Variants in CSMD1 observed in about 807,000 individuals in gnomAD.
CSMD1 encodes the protein CUB and Sushi multiple domains 1, also known as CUB and sushi domain-containing protein 1.
Under a neutral mutation model 417.5 loss-of-function variants are expected in CSMD1, and 213 were observed. That is an observed-to-expected ratio of 0.51 (90% CI 0.46 to 0.57). The LOEUF (loss-of-function observed/expected upper bound fraction) is 0.57. Ranked by LOEUF, CSMD1 falls within the 20% of genes least tolerant of loss-of-function variation. The pLI is 0.00. For missense variants in CSMD1, 6,923 were observed against 4,529.7 expected (o/e 1.53, Z -15.17); for synonymous variants, 2,862 against 1,736.8 (o/e 1.65, Z -16.11).
chr8:4,272,051 A>T (rs746462302), intron 3 of CSMD1, among the ~76,000 whole-genome samples: 11 of 152,154 alleles, frequency 7.2e-5, no homozygotes, highest in Non-Finnish European at 1.5e-4. Flanking sequence ...GCATGTAAGT[A>T]GACCTGTGTA....
intron 7 of CSMD1, among the ~76,000 whole-genome samples, chr8:3,659,634 G>T (rs1215248216): frequency 6.6e-6 from 1 of 152,136 alleles, no homozygotes; most frequent in African/African-American, 2.4e-5. Flanking sequence ...AAGGGTAGTG[G>T]TGATGTGGCA....
chr8:3,097,461 C>T (rs1314923985), intron 46 of CSMD1, among the ~76,000 whole-genome samples: 1 of 65,150 alleles, frequency 1.5e-5, no homozygotes, highest in Admixed American at 1.6e-4. Context: ...TACAGTAGGC[C>T]CCCTTACCCC....
chr8:3,081,840 G>A (rs543066127), intron 49 of CSMD1, among the ~76,000 whole-genome samples: 8 of 152,260 alleles, frequency 5.3e-5, no homozygotes, highest in African/African-American at 1.7e-4. Context: ...AAAATCCACT[G>A]CCTCATTACT....
chr8:4,036,964 T>A (rs1232226965), intron 3 of CSMD1, among the ~76,000 whole-genome samples: 3 of 63,758 alleles, frequency 4.7e-5, no homozygotes, highest in Non-Finnish European at 9.5e-5. Flanking sequence ...GGGGTGTGTG[T>A]GTGTGTGTGT....
At chr8:4,312,410 T>TATATATATACGCGTATATATATAC (rs1563435181) in intron 3 of CSMD1, among the ~76,000 whole-genome samples, 2 of 124,626 alleles carry the variant, frequency 1.6e-5, no homozygotes, top group African/African-American at 1.0e-4. Flanking sequence ...TATATATGCG[T>TATATATATACGCGTATATATATAC]GTATATATAT....
At chr8:3,985,839 T>C (rs376447676) in intron 5 of CSMD1, among the ~76,000 whole-genome samples, 6 of 151,872 alleles carry the variant, frequency 4.0e-5, no homozygotes, top group Middle Eastern at 3.2e-3. Flanking sequence ...ATGCTGAGAC[T>C]GTACCCTAGG....
chr8:4,026,878 C>A (rs1052494421), intron 4 of CSMD1, among the ~76,000 whole-genome samples: 2 of 152,158 alleles, frequency 1.3e-5, no homozygotes, highest in East Asian at 1.9e-4. Context: ...TGGAATTTGG[C>A]AAGGTGTAGT....
At chr8:4,860,383 C>T (rs937913202) in intron 1 of CSMD1, among the ~76,000 whole-genome samples, 2 of 150,974 alleles carry the variant, frequency 1.3e-5, no homozygotes, top group African/African-American at 4.9e-5. Flanking sequence ...GCACAATGGG[C>T]ACATGTACCC....
intron 5 of CSMD1, among the ~76,000 whole-genome samples, chr8:3,953,237 T>C (rs1020497669): frequency 6.6e-6 from 1 of 152,100 alleles, no homozygotes; most frequent in Non-Finnish European, 1.5e-5. Context: ...AATATATAAC[T>C]GATATAGGAG....
At chr8:4,714,371 TG>T (rs1808510676) in intron 1 of CSMD1, among the ~76,000 whole-genome samples, 1 of 152,076 alleles carries the variant, frequency 6.6e-6, no homozygotes, top group Non-Finnish European at 1.5e-5. Context: ...TAAATTAATA[TG>T]TGTAAGAAAT....
intron 23 of CSMD1, among the ~76,000 whole-genome samples, chr8:3,331,313 T>A (rs1806881436): frequency 1.3e-5 from 2 of 152,236 alleles, no homozygotes; most frequent in South Asian, 4.1e-4. Flanking sequence ...AACGTTGATA[T>A]CTGTGGTAAA....
At chr8:3,029,874 T>C (rs995830435) in intron 50 of CSMD1, among the ~76,000 whole-genome samples, 3 of 152,030 alleles carry the variant, frequency 2.0e-5, no homozygotes, top group East Asian at 1.9e-4. Flanking sequence ...CTCAATATCC[T>C]TGGAGGAACT....
intron 51 of CSMD1, among the ~76,000 whole-genome samples, chr8:3,019,789 C>G (rs1809203938): frequency 6.6e-6 from 1 of 152,234 alleles, no homozygotes; most frequent in Admixed American, 6.5e-5. Flanking sequence ...GAAATCTCTG[C>G]TCTTCAGATT....
intron 2 of CSMD1, among the ~76,000 whole-genome samples, chr8:4,498,881 A>G (rs1243548861): frequency 6.6e-6 from 1 of 152,216 alleles, no homozygotes; most frequent in African/African-American, 2.4e-5. Context: ...AAGTCAAAAT[A>G]ATAGCAATGA....
At chr8:3,410,845 C>A (rs1437325354) in intron 12 of CSMD1, among the ~76,000 whole-genome samples, 1 of 151,850 alleles carries the variant, frequency 6.6e-6, no homozygotes, top group Non-Finnish European at 1.5e-5. Context: ...CTCGAGTGAT[C>A]CTCCCACCTG....
At chr8:3,681,969 G>A (rs1678331855) in intron 7 of CSMD1, among the ~76,000 whole-genome samples, 1 of 152,124 alleles carries the variant, frequency 6.6e-6, no homozygotes, top group Non-Finnish European at 1.5e-5. Flanking sequence ...AAATGGTGCT[G>A]GGAAAACTGG....
intron 10 of CSMD1, among the ~76,000 whole-genome samples, chr8:3,508,136 A>T (rs1442591447): frequency 6.6e-6 from 1 of 152,154 alleles, no homozygotes; most frequent in East Asian, 1.9e-4. Context: ...AAAAAACCAA[A>T]CACCACATGT....
chr8:4,261,111 CAT>C (rs754907322), intron 3 of CSMD1, among the ~76,000 whole-genome samples: 3 of 152,294 alleles, frequency 2.0e-5, no homozygotes, highest in Non-Finnish European at 4.4e-5. Flanking sequence ...GTCATTTACA[CAT>C]GTCTGTGTTT....
At chr8:3,205,860 G>C (rs953960112) in intron 30 of CSMD1, among the ~76,000 whole-genome samples, 1 of 152,136 alleles carries the variant, frequency 6.6e-6, no homozygotes, top group African/African-American at 2.4e-5. Context: ...TGTCTCAGAT[G>C]TATTAAAATA....
Sources: gnomAD v4.1 joint callset for allele counts (sites outside exome capture counted in the v4.1 genomes callset) on GRCh38, gnomAD v4.1.1 for gene constraint, MANE v1.5 for transcripts, NCBI Gene and HGNC (gene_info 2026-07-23, HGNC 2026-07-21) for gene names.